The following ARHGAP24 variants were observed in gnomAD, a reference collection of about 807,000 sequenced individuals.
ARHGAP24 encodes rho GTPase-activating protein 24.
Under a neutral mutation model 76.4 loss-of-function variants are expected in ARHGAP24, and 50 were observed. The observed-to-expected ratio is 0.65, with a 90% confidence interval of 0.52 to 0.83. The LOEUF is 0.83. Ranked by LOEUF, ARHGAP24 falls within the 40% of genes least tolerant of loss-of-function variation. The pLI is 0.00. For missense variants in ARHGAP24, 930 were observed against 914.2 expected (o/e 1.02, Z -0.22); for synonymous variants, 345 against 323.3 (o/e 1.07, Z -0.72).
At chr4:85,693,664 C>G (rs1723755754) in intron 2 of ARHGAP24, among the ~76,000 whole-genome samples, 1 of 152,202 alleles carries the variant, frequency 6.6e-6, no homozygotes, top group Non-Finnish European at 1.5e-5. Flanking sequence ...AACAGCTGCT[C>G]TATGCACACA....
intron 3 of ARHGAP24, among the ~76,000 whole-genome samples, chr4:85,811,817 G>C (rs1156928969): frequency 6.6e-6 from 1 of 152,126 alleles, no homozygotes; most frequent in Non-Finnish European, 1.5e-5. Context: ...GCTCTTCTGT[G>C]CTTAATATAT....
intron 2 of ARHGAP24, among the ~76,000 whole-genome samples, chr4:85,607,161 A>G (rs1720221348): frequency 6.6e-6 from 1 of 152,178 alleles, no homozygotes; most frequent in Non-Finnish European, 1.5e-5. Context: ...CACATGGATG[A>G]GAATAATAGA....
chr4:85,660,330 C>A (rs1722330030), intron 2 of ARHGAP24, among the ~76,000 whole-genome samples: 1 of 152,068 alleles, frequency 6.6e-6, no homozygotes, highest in South Asian at 2.1e-4. Flanking sequence ...AAATGACTTT[C>A]TTTTTTTCTT....
intron 1 of ARHGAP24, among the ~76,000 whole-genome samples, chr4:85,546,767 A>G (rs990818147): frequency 6.6e-6 from 1 of 152,182 alleles, no homozygotes; most frequent in Non-Finnish European, 1.5e-5. Flanking sequence ...GCACTAAGCC[A>G]TGTGTGTTGT....
chr4:85,571,096 G>A (rs1727122768), intron 2 of ARHGAP24, among the ~76,000 whole-genome samples: 1 of 152,192 alleles, frequency 6.6e-6, no homozygotes, highest in African/African-American at 2.4e-5. Context: ...AGGAAGAACT[G>A]TAGGCACAAC....
chr4:85,818,532 G>A (rs757192768), intron 3 of ARHGAP24, among the ~76,000 whole-genome samples: 4 of 152,168 alleles, frequency 2.6e-5, no homozygotes, highest in Non-Finnish European at 5.9e-5. Context: ...GACCACTTTA[G>A]CGTAATTTGA....
rs374392149 is a variant in ARHGAP24, at chr4:85,623,158, C to T, written c.180+52437C>T. 1.3e-3 allele frequency among the ~76,000 whole-genome samples: 205 copies of T among 152,154 alleles called. 1 individual carries two copies. The highest frequency in any genetic ancestry group is 2.3e-3 in the Non-Finnish European group (158 of 67,982). ...GCCGTTGCTTTTGGTGTTTTAGACACGAAGTCCTTGCCCATGCCTATGTCC... is the reference window on the plus strand; with the variant it reads ...GCCGTTGCTTTTGGTGTTTTAGACATGAAGTCCTTGCCCATGCCTATGTCC... On this transcript the variant is annotated intron_variant, in intron 2 of 9. Transcript: ENST00000395184.
At chr4:85,541,276 C>T (rs571946049) in intron 1 of ARHGAP24, among the ~76,000 whole-genome samples, 1 of 136,196 alleles carries the variant, frequency 7.3e-6, no homozygotes, top group South Asian at 2.2e-4. Flanking sequence ...GCCTCAGCCT[C>T]CCAAGTAGCT....
At chr4:85,885,731 T>G (rs1733530203) in intron 3 of ARHGAP24, among the ~76,000 whole-genome samples, 1 of 152,150 alleles carries the variant, frequency 6.6e-6, no homozygotes, top group Admixed American at 6.5e-5. Context: ...GCTCATGTGT[T>G]AAATGACATG....
At chr4:85,884,692 G>A (rs1336448017) in intron 3 of ARHGAP24, among the ~76,000 whole-genome samples, 1 of 152,112 alleles carries the variant, frequency 6.6e-6, no homozygotes, top group African/African-American at 2.4e-5. Flanking sequence ...TCAAGTTGTG[G>A]AATGTTTGAC....
At chr4:85,683,120 G>GT (rs1437192648) in intron 2 of ARHGAP24, among the ~76,000 whole-genome samples, 2 of 111,676 alleles carry the variant, frequency 1.8e-5, no homozygotes, top group African/African-American at 7.6e-5. Context: ...GGGGGGGTGG[G>GT]GGGGGGGTGC....
At chr4:85,920,733 AAAG>A (rs1317442423) in intron 3 of ARHGAP24, among the ~76,000 whole-genome samples, 1 of 152,250 alleles carries the variant, frequency 6.6e-6, no homozygotes, top group Non-Finnish European at 1.5e-5. Flanking sequence ...ACACTTTTCA[AAAG>A]AAGACATACA....
chr4:85,961,953 ACTC>A (rs1738284720), intron 5 of ARHGAP24, among the ~76,000 whole-genome samples: 1 of 152,082 alleles, frequency 6.6e-6, no homozygotes, highest in African/African-American at 2.4e-5. Context: ...TTCTTCTGAA[ACTC>A]CATCTGCAGA....
At chr4:85,914,973 C>T (rs1049858767) in intron 3 of ARHGAP24, among the ~76,000 whole-genome samples, 5 of 152,130 alleles carry the variant, frequency 3.3e-5, no homozygotes, top group African/African-American at 1.2e-4. Flanking sequence ...CCAACCTAAA[C>T]CAAACTAAAT....
intron 3 of ARHGAP24, among the ~76,000 whole-genome samples, chr4:85,831,037 C>T (rs1289683416): frequency 1.3e-5 from 2 of 152,108 alleles, no homozygotes; most frequent in Admixed American, 6.5e-5. Flanking sequence ...ACAGGAGGTA[C>T]CCACTAAAGT....
chr4:85,813,920 A>C (rs1366721920), intron 3 of ARHGAP24, among the ~76,000 whole-genome samples: 1 of 151,142 alleles, frequency 6.6e-6, no homozygotes, highest in African/African-American at 2.4e-5. Context: ...TTTACAAAAC[A>C]AAAAGGTTTA....
intron 5 of ARHGAP24, among the ~76,000 whole-genome samples, chr4:85,965,936 C>G (rs566945125): frequency 4.6e-5 from 7 of 152,134 alleles, no homozygotes. Flanking sequence ...CAAAAGTAGA[C>G]TTGGGGGTTG....
chr4:85,504,914 G>A (rs1165873944), intron 1 of ARHGAP24, among the ~76,000 whole-genome samples: 1 of 152,094 alleles, frequency 6.6e-6, no homozygotes, highest in Non-Finnish European at 1.5e-5. Context: ...GGGCAGGCCT[G>A]GTGGTGACAA....
intron 2 of ARHGAP24, among the ~76,000 whole-genome samples, chr4:85,582,205 T>G (rs1265941175): frequency 6.6e-6 from 1 of 152,126 alleles, no homozygotes; most frequent in African/African-American, 2.4e-5. Flanking sequence ...TTTCAACCTA[T>G]GAGAAGATTT....
Sources: allele counts gnomAD v4.1 joint callset (sites outside exome capture counted in the v4.1 genomes callset), GRCh38; gene constraint gnomAD v4.1.1; transcripts MANE v1.5; gene names NCBI Gene and HGNC (gene_info 2026-07-23, HGNC 2026-07-21).